GRIK2: variants seen among roughly 807,000 people sequenced by gnomAD.
The protein encoded by GRIK2 is glutamate receptor ionotropic, kainate 2.
In GRIK2, 32 loss-of-function variants were observed where a neutral mutation model predicts 100.3. The ratio of observed to expected loss-of-function variants is 0.32; its 90% CI spans 0.24 to 0.43. The LOEUF (loss-of-function observed/expected upper bound fraction) is 0.43. Among genes scored for constraint, GRIK2 ranks in the 20% least tolerant of loss-of-function variants. GRIK2 has a pLI of 1.00. For missense variants in GRIK2, 843 were observed against 1,114.9 expected, an observed-to-expected ratio of 0.76 and a Z score of 3.47; for synonymous variants, 417 against 389.4, an observed-to-expected ratio of 1.07 and a Z score of -0.83.
intron 2 of GRIK2, among the ~76,000 whole-genome samples, chr6:101,479,455 T>C (rs1349600144): frequency 6.6e-6 from 1 of 152,186 alleles, no homozygotes; most frequent in Non-Finnish European, 1.5e-5. Context: ...TATATGTTTA[T>C]AAATAGTCCT....
intron 7 of GRIK2, among the ~76,000 whole-genome samples, chr6:101,747,125 T>TG (rs1392828602): frequency 1.3e-5 from 2 of 152,188 alleles, no homozygotes; most frequent in Non-Finnish European, 2.9e-5. Flanking sequence ...TTTGGTATCT[T>TG]AAATCATGAT....
At chr6:101,628,383 A>G (rs1780558672) in intron 4 of GRIK2, among the ~76,000 whole-genome samples, 1 of 152,134 alleles carries the variant, frequency 6.6e-6, no homozygotes, top group Non-Finnish European at 1.5e-5. Flanking sequence ...TGAAATATTT[A>G]TAAATAATTA....
At chr6:101,407,711 G>A (rs1408298405) in intron 2 of GRIK2, among the ~76,000 whole-genome samples, 1 of 152,044 alleles carries the variant, frequency 6.6e-6, no homozygotes, top group Non-Finnish European at 1.5e-5. Context: ...ATTAAAGTGA[G>A]CACATATTAT....
intron 2 of GRIK2, among the ~76,000 whole-genome samples, chr6:101,577,255 A>G (rs988793013): frequency 1.3e-5 from 2 of 151,876 alleles, no homozygotes. Flanking sequence ...TTTTTGCACT[A>G]TAAGGAATTT....
chr6:101,825,243 C>A (rs529302114), intron 10 of GRIK2, among the ~76,000 whole-genome samples: 2 of 152,302 alleles, frequency 1.3e-5, no homozygotes, highest in African/African-American at 4.8e-5. Context: ...GTTCAGACAA[C>A]CACACTTTTT....
At chr6:102,066,868 G>T (rs958294776) in intron 16 of GRIK2, among the ~76,000 whole-genome samples, 23 of 151,716 alleles carry the variant, frequency 1.5e-4, no homozygotes, top group Admixed American at 1.3e-3. Flanking sequence ...GAATTAGGAA[G>T]ACCATTAAGG....
At position 101,929,482 on chromosome 6, in the gene GRIK2, T is replaced by TA. The variant is rs75539570; in HGVS notation, c.2085+857dup. ...GTACAGTGGAAATAGTATTTTTTTT[T>TA]AAAAAAATGATTAATTCAAGCTATA... On this transcript the variant is annotated intron_variant, in intron 14 of 16. Coordinates refer to ENST00000369134, the MANE Select transcript of GRIK2 (RefSeq NM_021956.5). 8.3e-3 allele frequency among the ~76,000 whole-genome samples: 1,167 copies of TA among 139,854 alleles called. 8 individuals are homozygous for TA. Among genetic ancestry groups the TA allele is most frequent in the South Asian group, 0.042 (192 of 4,530 alleles). 91.7% of individuals were successfully genotyped at this position (139,854 alleles called of 152,430 possible). A position where few individuals can be genotyped will look rare whatever the true frequency, so the allele number is the denominator to read the frequency against.
chr6:101,692,115 A>G (rs1469089874), intron 7 of GRIK2, among the ~76,000 whole-genome samples: 5 of 150,784 alleles, frequency 3.3e-5, no homozygotes, highest in African/African-American at 9.8e-5. Context: ...CAGAACAGAC[A>G]GGCTTTTTCA....
chr6:101,536,279 G>A (rs1352874106), intron 2 of GRIK2, among the ~76,000 whole-genome samples: 1 of 151,592 alleles, frequency 6.6e-6, no homozygotes, highest in Admixed American at 6.6e-5. Flanking sequence ...GTCTTAGATA[G>A]AAGGCTATTA....
At chr6:102,040,983 C>A (rs1040086909) in intron 15 of GRIK2, among the ~76,000 whole-genome samples, 1 of 151,518 alleles carries the variant, frequency 6.6e-6, no homozygotes, top group Non-Finnish European at 1.5e-5. Flanking sequence ...AAATCTAGAT[C>A]TAATAATTTT....
rs116076584 is a variant in GRIK2 at position 101,516,932 on chromosome 6, T to C, written c.116-105017T>C. ...ACAGTCTATGTTTTGACACTGATAA[T>C]TAACAGTATGTATTTTTGTATTCCC... On this transcript the variant is annotated intron_variant, in intron 2 of 16. Coordinates refer to ENST00000369134, the MANE Select transcript of GRIK2 (RefSeq NM_021956.5). Among the ~76,000 whole-genome samples, 184 of 152,218 alleles carry C rather than the reference T, an allele frequency of 1.2e-3. 1 individual carries two copies. The highest frequency in any genetic ancestry group is 4.3e-3 in the African/African-American group (179 of 41,552).
At position 102,032,003 on chromosome 6, in the gene GRIK2, G is replaced by T. The variant is rs921209013; in HGVS notation, c.2086-3338G>T. ...TCTGGAGAGTTTTAAAGGATGGTTT[G>T]GGAGTTTTTAAGGGTGAAAGAGCTT... On this transcript the variant is annotated intron_variant, in intron 14 of 16. Transcript: ENST00000369134. Among the ~76,000 whole-genome samples the T allele has an allele frequency of 2.0e-5, 3 of 151,432 alleles. No individual in the cohort carries two copies. The South Asian group carries it at 6.2e-4, about 31-fold the overall frequency.
intron 15 of GRIK2, among the ~76,000 whole-genome samples, chr6:102,039,769 A>G (rs1326184650): frequency 6.6e-6 from 1 of 151,576 alleles, no homozygotes; most frequent in Non-Finnish European, 1.5e-5. Context: ...AAATTCCATT[A>G]GGGCCAGTTG....
At chr6:101,474,098 T>G (rs950780106) in intron 2 of GRIK2, among the ~76,000 whole-genome samples, 5 of 151,850 alleles carry the variant, frequency 3.3e-5, no homozygotes, top group Non-Finnish European at 5.9e-5. Context: ...GTAAACTGAT[T>G]TGGAGTGAAG....
chr6:102,050,513 G>A (rs1010181466), intron 15 of GRIK2, among the ~76,000 whole-genome samples: 18 of 151,976 alleles, frequency 1.2e-4, no homozygotes, highest in African/African-American at 3.9e-4. Flanking sequence ...TTAGCTGGGC[G>A]TAGGGTGCCT....
intron 2 of GRIK2, among the ~76,000 whole-genome samples, chr6:101,509,026 C>T (rs1292734295): frequency 9.9e-5 from 15 of 151,710 alleles, no homozygotes; most frequent in Admixed American, 8.5e-4. Context: ...GGCATGGGGG[C>T]GGGCACCTGT....
At chr6:102,011,975 T>A (rs1340696432) in intron 14 of GRIK2, among the ~76,000 whole-genome samples, 1 of 152,232 alleles carries the variant, frequency 6.6e-6, no homozygotes, top group African/African-American at 2.4e-5. Flanking sequence ...TCTCCATTGC[T>A]ATCTTCTATA....
At chr6:101,507,042 T>C (rs1253109892) in intron 2 of GRIK2, among the ~76,000 whole-genome samples, 1 of 152,108 alleles carries the variant, frequency 6.6e-6, no homozygotes, top group Non-Finnish European at 1.5e-5. Context: ...CCTGAACTCT[T>C]TCCTATGTTT....
chr6:101,430,172 C>T (rs1769297918), intron 2 of GRIK2, among the ~76,000 whole-genome samples: 1 of 152,300 alleles, frequency 6.6e-6, no homozygotes, highest in East Asian at 1.9e-4. Flanking sequence ...GACCGAGTTA[C>T]ATGTACTAAG....
Sources: gnomAD v4.1 joint callset for allele counts (sites outside exome capture counted in the v4.1 genomes callset) on GRCh38, gnomAD v4.1.1 for gene constraint, MANE v1.5 for transcripts, NCBI Gene and HGNC (gene_info 2026-07-23, HGNC 2026-07-21) for gene names.